The following FAM43A variants were observed in gnomAD, a reference collection of about 807,000 sequenced individuals.
FAM43A encodes the protein protein FAM43A.
FAM43A carries 11 observed loss-of-function variants against 15.7 expected under a neutral mutation model. The ratio of observed to expected loss-of-function variants is 0.70; its 90% confidence interval spans 0.44 to 1.16. The LOEUF (loss-of-function observed/expected upper bound fraction) is 1.16, where lower values mean the gene tolerates loss of function less well. Ranked by LOEUF, FAM43A falls within the 50% of genes most tolerant of loss-of-function variation. The pLI is 0.00. For missense variants in FAM43A, 573 were observed against 620.0 expected (o/e 0.92, Z 0.80); for synonymous variants, 319 against 291.7 (o/e 1.09, Z -0.96).
At position 194,686,231 on chromosome 3, in the gene FAM43A, A is replaced by C. The variant is rs1719413682; in HGVS notation, c.-596A>C. Reference sequence around the variant, plus strand: ...TTGGGCGAGCTGCTGACTTGAGACCAGCCCAAACGGGGGGCTTTCCATCTC... The same window carrying C: ...TTGGGCGAGCTGCTGACTTGAGACCCGCCCAAACGGGGGGCTTTCCATCTC... On this transcript the variant is annotated 5_prime_UTR_variant, in exon 1 of 1. Transcript: ENST00000329759. Among the ~76,000 whole-genome samples the C allele has an allele frequency of 6.6e-6, 1 of 152,182 alleles. No individual in the cohort carries two copies. The highest frequency in any genetic ancestry group is 6.5e-5 in the Admixed American group (1 of 15,284).
rs1271406145 is a variant in FAM43A, at chr3:194,686,162, G to A, written c.-665G>A. ...CAGTGAGTCCCCGCGGGACTGCTGC[G>A]CGGGGCCCGCCGCGGCCAGCCGGAC... On this transcript the variant is annotated 5_prime_UTR_variant, in exon 1 of 1. Coordinates refer to ENST00000329759, the MANE Select transcript of FAM43A (RefSeq NM_153690.5). Among the ~76,000 whole-genome samples the A allele has an allele frequency of 1.3e-5, 2 of 152,196 alleles. No homozygotes were observed. Among genetic ancestry groups the A allele is most frequent in the Non-Finnish European group, 2.9e-5 (2 of 68,030 alleles).
chr3:194,686,693 A>G lies in FAM43A; in HGVS notation c.-134A>G. The G allele has an allele frequency of 1.1e-6, 1 of 912,488 alleles. No homozygotes were observed. Among genetic ancestry groups the G allele is most frequent in the Non-Finnish European group, 1.5e-6 (1 of 684,140 alleles). 56.5% of individuals were successfully genotyped at this position (912,488 alleles called of 1,614,324 possible). ...GCTCCCCTCCCCCCAACTCCCTACC[A>G]CAGGGCCGCTCCCAGTAGTTTTATT... On this transcript the variant is annotated 5_prime_UTR_variant, in exon 1 of 1. Transcript: ENST00000329759.
rs1220954969 is a variant in FAM43A, at chr3:194,686,885, C to T, written c.59C>T (p.Ala20Val). The T allele has an allele frequency of 6.3e-7, 1 of 1,599,236 alleles. No homozygotes were observed. The highest frequency in any genetic ancestry group is 1.1e-5 in the South Asian group (1 of 89,700). Residue 20 changes from alanine (A) to valine (V), a missense_variant, in exon 1 of 1, where the codon GCG becomes GTG. Transcript: ENST00000329759. Reference protein sequence around the residue: ...ELLAEAPPRQASKPKGYAVSL... With the variant: ...ELLAEAPPRQVSKPKGYAVSL... ...CTGGCCGAGGCGCCGCCGCGGCAGG[C>T]GTCCAAGCCCAAGGGCTACGCTGTG...
Position 194,687,382 on chromosome 3 carries a change from C to T in FAM43A, c.556C>T (p.Leu186=), listed in dbSNP as rs1013861920. 5.9e-6 allele frequency: 9 copies of T among 1,538,012 alleles called. No homozygotes were observed. The Admixed American group carries it at 1.4e-4, about 23-fold the overall frequency. Residue 186 remains leucine, a synonymous_variant, in exon 1 of 1, where the codon CTG becomes TTG. Transcript: ENST00000329759. ...SKPEKAQAMA[L]LLYQTSANAL... ...GCCCGAAAAGGCGCAGGCCATGGCC[C>T]TGCTGCTCTACCAGACGTCGGCCAA...
chr3:194,687,656 G>C lies in FAM43A; in HGVS notation c.830G>C (p.Gly277Ala). The change falls in exon 1 of 1, where the codon GGC (glycine) becomes GCC (alanine). Residue 277 changes from glycine (G) to alanine (A), a missense_variant. Gly to Ala is a moderately conservative substitution (Grantham distance 60). Coordinates refer to ENST00000329759, the MANE Select transcript of FAM43A (RefSeq NM_153690.5). ...GAAGAGGAAGAGGAGCAACCCGAGGGCTGCCCGGAGGAGGAGGAGAACCGT... is the reference window on the plus strand; with the variant it reads ...GAAGAGGAAGAGGAGCAACCCGAGGCCTGCCCGGAGGAGGAGGAGAACCGT... ...QEEEEEEQPE[G>A]CPEEEENRAA... is the part of the protein sequence containing the mutation. 1.3e-6 allele frequency: 2 copies of C among 1,562,754 alleles called. No homozygotes were observed. Among genetic ancestry groups the C allele is most frequent in the Non-Finnish European group, 1.7e-6 (2 of 1,153,058 alleles).
chr3:194,687,031 A>C lies in FAM43A; in HGVS notation c.205A>C (p.Thr69Pro). 3 of 1,612,642 alleles carry C rather than the reference A, an allele frequency of 1.9e-6. No individual in the cohort carries two copies. Among genetic ancestry groups the C allele is most frequent in the Non-Finnish European group, 2.5e-6 (3 of 1,179,086 alleles). Residue 69 changes from threonine (T) to proline (P), a missense_variant, in exon 1 of 1, where the codon ACT becomes CCT. Coordinates refer to ENST00000329759, the MANE Select transcript of FAM43A (RefSeq NM_153690.5). ...KKLHITSEDP[T>P]YTVLYLGNAT... is the part of the protein sequence containing the mutation. ...GCTGCACATCACTAGCGAGGACCCA[A>C]CTTACACCGTGCTCTACCTGGGCAA...
Position 194,688,156 on chromosome 3 carries a change from C to G in FAM43A, c.*58C>G. 7.8e-7 allele frequency: 1 copy of G among 1,284,176 alleles called. No homozygotes were observed. Among genetic ancestry groups the G allele is most frequent in the East Asian group, 3.1e-5 (1 of 32,534 alleles). 79.5% of individuals were successfully genotyped at this position (1,284,176 alleles called of 1,614,324 possible). A position where few individuals can be genotyped will look rare whatever the true frequency, so the allele number is the denominator to read the frequency against. ...GCTACCCATCCGTGGTCCCGACAAC[C>G]TCCCTGTCCCTTGCCCGCCCCCAGG... On this transcript the variant is annotated 3_prime_UTR_variant, in exon 1 of 1. Coordinates refer to ENST00000329759, the MANE Select transcript of FAM43A (RefSeq NM_153690.5).
rs1358878079 is a variant in FAM43A at position 194,687,006 on chromosome 3, G to A, written c.180G>A (p.Lys60=). The A allele has an allele frequency of 1.9e-6, 3 of 1,609,618 alleles. No homozygotes were observed. The highest frequency in any genetic ancestry group is 1.7e-5 in the Admixed American group (1 of 59,900). ...VGSMFRSKRK[K]LHITSEDPTY... is the part of the protein sequence containing the mutation. ...GCATGTTCCGCTCCAAGCGCAAGAA[G>A]CTGCACATCACTAGCGAGGACCCAA... Residue 60 remains lysine (K), a synonymous_variant, in exon 1 of 1, where the codon AAG becomes AAA. Coordinates refer to ENST00000329759, the MANE Select transcript of FAM43A (RefSeq NM_153690.5).
Position 194,688,214 on chromosome 3 carries a change from T to C in FAM43A, c.*116T>C. On this transcript the variant is annotated 3_prime_UTR_variant, in exon 1 of 1. Coordinates refer to ENST00000329759, the MANE Select transcript of FAM43A (RefSeq NM_153690.5). ...AAATGGGGCATTTGGGGCCCAGACC[T>C]ACACTTGGAGCCCAGGTCCAGCGTT... 1.8e-6 allele frequency: 2 copies of C among 1,139,752 alleles called. No homozygotes were observed. Among genetic ancestry groups the C allele is most frequent in the Non-Finnish European group, 2.2e-6 (2 of 890,016 alleles). 70.6% of individuals were successfully genotyped at this position (1,139,752 alleles called of 1,614,324 possible).
rs1719457516 is a variant in FAM43A, at chr3:194,687,835, G to C, written c.1009G>C (p.Gly337Arg). 20 of 1,447,642 alleles carry C rather than the reference G, an allele frequency of 1.4e-5. No individual in the cohort carries two copies. The highest frequency in any genetic ancestry group is 1.7e-5 in the Non-Finnish European group (19 of 1,098,344). 89.7% of individuals were successfully genotyped at this position (1,447,642 alleles called of 1,614,324 possible). A position where few individuals can be genotyped will look rare whatever the true frequency, so the allele number is the denominator to read the frequency against. ...GGGGSLGPGA[G>R]PPPLLLGSAS... ...CGGGGGCTCCCTGGGCCCGGGGGCC[G>C]GGCCGCCGCCTCTGCTGCTGGGCAG... is the stretch of plus-strand genomic sequence containing the variant. The change falls in exon 1 of 1, where the codon GGG (glycine) becomes CGG (arginine). Residue 337 changes from glycine to arginine, a missense_variant. Coordinates refer to ENST00000329759, the MANE Select transcript of FAM43A (RefSeq NM_153690.5).
Position 194,686,522 on chromosome 3 carries a change from T to C in FAM43A, c.-305T>C, listed in dbSNP as rs568103240. On this transcript the variant is annotated 5_prime_UTR_variant, in exon 1 of 1. Coordinates refer to ENST00000329759, the MANE Select transcript of FAM43A (RefSeq NM_153690.5). ...CATTTTGTTGCTTGCCTGAGACTCTTTGCTCTCGCCCTTGCCCAGGCTGGG... is the reference window on the plus strand; with the variant it reads ...CATTTTGTTGCTTGCCTGAGACTCTCTGCTCTCGCCCTTGCCCAGGCTGGG... 2.3e-4 allele frequency: 65 copies of C among 281,378 alleles called. No homozygotes were observed. Among genetic ancestry groups the C allele is most frequent in the African/African-American group, 1.4e-3 (62 of 45,352 alleles). The allele number at this position is 281,378 out of a possible 1,614,324, so 17.4% of individuals were successfully genotyped here.
At position 194,687,336 on chromosome 3, in the gene FAM43A, C is replaced by T. The variant is rs995595523; in HGVS notation, c.510C>T (p.Cys170=). 1 of 1,544,048 alleles carries T rather than the reference C, an allele frequency of 6.5e-7. No homozygotes were observed. Among genetic ancestry groups the T allele is most frequent in the Non-Finnish European group, 8.7e-7 (1 of 1,150,576 alleles). ...ELKHKAVMLR[C]HAVLVSKPEK... Reference sequence around the variant, plus strand: ...AGCACAAGGCCGTGATGCTGCGCTGCCACGCCGTGCTGGTGTCCAAGCCCG... The same window carrying T: ...AGCACAAGGCCGTGATGCTGCGCTGTCACGCCGTGCTGGTGTCCAAGCCCG... Residue 170 remains cysteine (C), a synonymous_variant, in exon 1 of 1, where the codon TGC becomes TGT. Coordinates refer to ENST00000329759, the MANE Select transcript of FAM43A (RefSeq NM_153690.5).
chr3:194,687,276 C>T lies in FAM43A; in HGVS notation c.450C>T (p.Pro150=), dbSNP rs1719439775. The change falls in exon 1 of 1, where the codon CCC becomes CCT. Residue 150 remains proline, a synonymous_variant. Coordinates refer to ENST00000329759, the MANE Select transcript of FAM43A (RefSeq NM_153690.5). ...ACTGCGTGGCCGACGCGCGGCTGCCCAAGGTCTTCGCCTGGGTGTACCGGC... is the reference window on the plus strand; with the variant it reads ...ACTGCGTGGCCGACGCGCGGCTGCCTAAGGTCTTCGCCTGGGTGTACCGGC... The part of the protein sequence containing the change: ...VTYCVADARL[P]KVFAWVYRHE... 1 of 1,586,606 alleles carries T rather than the reference C, an allele frequency of 6.3e-7. No homozygotes were observed. The highest frequency in any genetic ancestry group is 8.5e-7 in the Non-Finnish European group (1 of 1,173,182).
chr3:194,686,744 G>T lies in FAM43A; in HGVS notation c.-83G>T, dbSNP rs1577267401. 7.8e-7 allele frequency: 1 copy of T among 1,289,182 alleles called. No homozygotes were observed. The highest frequency in any genetic ancestry group is 9.8e-7 in the Non-Finnish European group (1 of 1,016,068). 79.9% of individuals were successfully genotyped at this position (1,289,182 alleles called of 1,614,324 possible). On this transcript the variant is annotated 5_prime_UTR_variant, in exon 1 of 1. Transcript: ENST00000329759. ...CTTCGATCTTGCCCGGGCCGAGCCT[G>T]GCAGGGGCCGGTGGCTCAGCGGGCC... is the stretch of plus-strand genomic sequence containing the variant.
rs1189754878 is a variant in FAM43A, at chr3:194,687,479, C to G, written c.653C>G (p.Ala218Gly). 1.3e-6 allele frequency: 2 copies of G among 1,537,364 alleles called. No homozygotes were observed. Among genetic ancestry groups the G allele is most frequent in the South Asian group, 2.4e-5 (2 of 83,446 alleles). ...CACCAGCAGCAGGAGCTGGTGGGCG[C>G]ACACACCATCCCGCTAGTGCCGCTG... is the stretch of plus-strand genomic sequence containing the variant. ...ARHQQQELVG[A>G]HTIPLVPLRK... Residue 218 changes from alanine (A) to glycine (G), a missense_variant, in exon 1 of 1, where the codon GCA becomes GGA. By Grantham distance (60) the Ala-to-Gly change is moderately conservative. Coordinates refer to ENST00000329759, the MANE Select transcript of FAM43A (RefSeq NM_153690.5).
In FAM43A at chr3:194,685,954, G is replaced by C. The variant is rs1053777090; in HGVS notation, c.-873G>C. Among the ~76,000 whole-genome samples, 18 of 152,228 alleles carry C rather than the reference G, an allele frequency of 1.2e-4. No homozygotes were observed. Among genetic ancestry groups the C allele is most frequent in the Non-Finnish European group, 2.1e-4 (14 of 68,038 alleles). Reference sequence around the variant, plus strand: ...GGGCGCACTGCAAAGGCGGGCAGCAGACCGTGGAGAGCCCGGGAGCGGAGC... The same window carrying C: ...GGGCGCACTGCAAAGGCGGGCAGCACACCGTGGAGAGCCCGGGAGCGGAGC... On this transcript the variant is annotated 5_prime_UTR_variant, in exon 1 of 1. Coordinates refer to ENST00000329759, the MANE Select transcript of FAM43A (RefSeq NM_153690.5).
rs1156379768 is a variant in FAM43A, at chr3:194,686,738, G to T, written c.-89G>T. On this transcript the variant is annotated 5_prime_UTR_variant, in exon 1 of 1. Coordinates refer to ENST00000329759, the MANE Select transcript of FAM43A (RefSeq NM_153690.5). ...TTTATTCTTCGATCTTGCCCGGGCC[G>T]AGCCTGGCAGGGGCCGGTGGCTCAG... 1 of 1,269,244 alleles carries T rather than the reference G, an allele frequency of 7.9e-7. No homozygotes were observed. The highest frequency in any genetic ancestry group is 2.4e-5 in the South Asian group (1 of 41,766). 78.6% of individuals were successfully genotyped at this position (1,269,244 alleles called of 1,614,324 possible). A position where few individuals can be genotyped will look rare whatever the true frequency, so the allele number is the denominator to read the frequency against.
rs775493894 is a variant in FAM43A at position 194,687,747 on chromosome 3, C to G, written c.921C>G (p.His307Gln). 5.1e-5 allele frequency: 79 copies of G among 1,548,454 alleles called. No individual in the cohort carries two copies. Among genetic ancestry groups the G allele is most frequent in the Non-Finnish European group, 6.6e-5 (76 of 1,144,672 alleles). The change falls in exon 1 of 1, where the codon CAC (histidine) becomes CAG (glutamine). Residue 307 changes from histidine to glutamine, a missense_variant. Coordinates refer to ENST00000329759, the MANE Select transcript of FAM43A (RefSeq NM_153690.5). ...AGCGTGCGCTAGTGGTCGCCATGCACTTTGAGTGCGGGGACTTGTTGGATA... is the reference window on the plus strand; with the variant it reads ...AGCGTGCGCTAGTGGTCGCCATGCAGTTTGAGTGCGGGGACTTGTTGGATA... The part of the protein sequence containing the change: ...EAQRALVVAM[H>Q]FECGDLLDTL...
chr3:194,686,224 T>G lies in FAM43A; in HGVS notation c.-603T>G, dbSNP rs1299060911. On this transcript the variant is annotated 5_prime_UTR_variant, in exon 1 of 1. Transcript: ENST00000329759. ...CCGCACTTTGGGCGAGCTGCTGACT[T>G]GAGACCAGCCCAAACGGGGGGCTTT... 1.3e-5 allele frequency among the ~76,000 whole-genome samples: 2 copies of G among 152,154 alleles called. No homozygotes were observed. Among genetic ancestry groups the G allele is most frequent in the African/African-American group, 4.8e-5 (2 of 41,448 alleles).
Sources: gnomAD v4.1 joint callset for allele counts (sites outside exome capture counted in the v4.1 genomes callset) on GRCh38, gnomAD v4.1.1 for gene constraint, MANE v1.5 for transcripts, NCBI Gene and HGNC (gene_info 2026-07-23, HGNC 2026-07-21) for gene names.